The following FNTB variants were observed in gnomAD, a reference collection of about 807,000 sequenced individuals.
The protein encoded by FNTB is farnesyltransferase, CAAX box, subunit beta.
A neutral mutation model predicts 59.4 loss-of-function variants in FNTB; 27 were observed. The observed-to-expected ratio is 0.45, with a 90% CI of 0.34 to 0.63. The LOEUF is 0.63. Among genes scored for constraint, FNTB ranks in the 20% least tolerant of loss-of-function variants. The probability of loss-of-function intolerance (pLI) is 0.02; values close to 1 mark genes in which losing one functional copy is unlikely to be tolerated. For synonymous variants in FNTB, 230 were observed against 220.7 expected (o/e 1.04, Z -0.37); for missense variants, 449 against 559.6 (o/e 0.80, Z 1.99).
At position 65,011,087 on chromosome 14, in the gene FNTB, A is replaced by G. The variant is rs1051590569; in HGVS notation, c.210-1230A>G. Among the ~76,000 whole-genome samples the G allele has an allele frequency of 5.3e-5, 8 of 152,104 alleles. No individual in the cohort carries two copies. Among genetic ancestry groups the G allele is most frequent in the Non-Finnish European group, 1.2e-4 (8 of 68,030 alleles). ...ACCTACCCATTCTTTCCTTGTAGCCATTGATATACTTACCTCATTTCTGAA... is the reference window on the plus strand; with the variant it reads ...ACCTACCCATTCTTTCCTTGTAGCCGTTGATATACTTACCTCATTTCTGAA... On this transcript the variant is annotated intron_variant, in intron 2 of 11. Transcript: ENST00000246166. This position sits in a 1 kb window ranked among gnomAD's most constrained non-coding sequence, Gnocchi z 4.0.
chr14:64,991,921 T>C lies in FNTB; in HGVS notation c.144+4824T>C, dbSNP rs1888215609. Among the ~76,000 whole-genome samples the C allele has an allele frequency of 6.6e-6, 1 of 152,032 alleles. No individual in the cohort carries two copies. ...GGCGGGTGGGCCCCTATCAGGGTAT[T>C]AAGAGGCAGGTGATGTGCTGGCTTC... On this transcript the variant is annotated intron_variant, in intron 1 of 11. Coordinates refer to ENST00000246166, the MANE Select transcript of FNTB (RefSeq NM_002028.4). This position sits in a 1 kb window ranked among gnomAD's most constrained non-coding sequence, Gnocchi z 4.4.
At chr14:65,043,778 C>T (rs1052030124) in intron 8 of FNTB, among the ~76,000 whole-genome samples, 1 of 131,708 alleles carries the variant, frequency 7.6e-6, no homozygotes, top group Non-Finnish European at 1.6e-5. Context: ...GCCGAGATTG[C>T]GCCACTGCAG....
At chr14:64,998,945 C>T (rs190807161) in intron 1 of FNTB, among the ~76,000 whole-genome samples, 3 of 118,420 alleles carry the variant, frequency 2.5e-5, no homozygotes, top group African/African-American at 6.5e-5. Flanking sequence ...AACTGCTAAA[C>T]GAAATGTGAT....
chr14:65,049,002 C>T (rs2062549208), intron 9 of FNTB, among the ~76,000 whole-genome samples: 1 of 152,130 alleles, frequency 6.6e-6, no homozygotes, highest in Admixed American at 6.5e-5. Flanking sequence ...GCCACGTTGC[C>T]TGTAATCCCA....
At chr14:65,024,442 G>T (rs1252262897) in intron 4 of FNTB, among the ~76,000 whole-genome samples, 2 of 152,142 alleles carry the variant, frequency 1.3e-5, no homozygotes, top group East Asian at 3.8e-4. Flanking sequence ...AAAGGCCCAG[G>T]ATCTTTTCCA....
In FNTB at chr14:64,997,994, C is replaced by T. The variant is rs1888465243; in HGVS notation, c.145-6255C>T. Among the ~76,000 whole-genome samples, 1 of 152,192 alleles carries T rather than the reference C, an allele frequency of 6.6e-6. No homozygotes were observed. Among genetic ancestry groups the T allele is most frequent in the Admixed American group, 6.5e-5 (1 of 15,286 alleles). On this transcript the variant is annotated intron_variant, in intron 1 of 11. Transcript: ENST00000246166. This position sits in a 1 kb window ranked among gnomAD's most constrained non-coding sequence, Gnocchi z 4.5. Reference sequence around the variant, plus strand: ...ATCGTGGGAAGACATATTCTGGTCTCCTACAGTCATGTTTTGAGGTGGCAT... The same window carrying T: ...ATCGTGGGAAGACATATTCTGGTCTTCTACAGTCATGTTTTGAGGTGGCAT...
At chr14:65,020,187 AGCTGCTATGACC>A (rs2061858653) in intron 4 of FNTB, among the ~76,000 whole-genome samples, 1 of 152,238 alleles carries the variant, frequency 6.6e-6, no homozygotes, top group South Asian at 2.1e-4. Context: ...TACTTTTGTC[AGCTGCTATGACC>A]GCTGACCAAA....
chr14:65,022,819 T>C (rs2061913423), intron 4 of FNTB, among the ~76,000 whole-genome samples: 1 of 152,236 alleles, frequency 6.6e-6, no homozygotes, highest in Non-Finnish European at 1.5e-5. Flanking sequence ...TCTTCACAAC[T>C]CGTGGACCCT....
intron 1 of FNTB, among the ~76,000 whole-genome samples, chr14:65,002,227 C>T (rs1045432487): frequency 6.6e-6 from 1 of 152,228 alleles, no homozygotes; most frequent in African/African-American, 2.4e-5. Context: ...CCAGACGCTC[C>T]CTCATTACTA....
chr14:65,048,113 C>T (rs932756853), intron 9 of FNTB, among the ~76,000 whole-genome samples: 12 of 146,698 alleles, frequency 8.2e-5, no homozygotes, highest in Non-Finnish European at 1.5e-4. Flanking sequence ...TCCTGTGTAG[C>T]TGGGATTACA....
chr14:65,013,428 G>T (rs2061716005), intron 3 of FNTB, among the ~76,000 whole-genome samples: 1 of 151,972 alleles, frequency 6.6e-6, no homozygotes, highest in Non-Finnish European at 1.5e-5. Flanking sequence ...CACATCCATG[G>T]GCTAGATTTG....
chr14:64,996,946 A>G (rs912352227), intron 1 of FNTB, among the ~76,000 whole-genome samples: 1 of 151,970 alleles, frequency 6.6e-6, no homozygotes, highest in African/African-American at 2.4e-5. Context: ...CCTTTTATGC[A>G]TTCATAAACA....
chr14:65,027,906 G>C lies in FNTB; in HGVS notation c.605+125G>C. 1.6e-6 allele frequency: 2 copies of C among 1,234,666 alleles called. No individual in the cohort carries two copies. The highest frequency in any genetic ancestry group is 2.3e-6 in the Non-Finnish European group (2 of 870,932). The allele number at this position is 1,234,666 out of a possible 1,614,324, so 76.5% of individuals were successfully genotyped here. ...TTTGTCCCAGAATGACACATGGGAT[G>C]ACATGTCAGTGACACGTCAGAATCA... On this transcript the variant is annotated intron_variant, in intron 6 of 11. Transcript: ENST00000246166. This position sits in a 1 kb window ranked among gnomAD's most constrained non-coding sequence, Gnocchi z 5.7.
In FNTB at chr14:65,032,718, C is replaced by G; in HGVS notation, c.692+22C>G. ...CAAGGTGAGAGAAGCCAGGGTTTCTCCTGGCCTCTTGGAGAGCAGGCGGTC... is the reference window on the plus strand; with the variant it reads ...CAAGGTGAGAGAAGCCAGGGTTTCTGCTGGCCTCTTGGAGAGCAGGCGGTC... On this transcript the variant is annotated intron_variant, in intron 7 of 11. Coordinates refer to ENST00000246166, the MANE Select transcript of FNTB (RefSeq NM_002028.4). This position sits in a 1 kb window ranked among gnomAD's most constrained non-coding sequence, Gnocchi z 5.0. The G allele has an allele frequency of 1.2e-6, 2 of 1,610,806 alleles. No homozygotes were observed. Among genetic ancestry groups the G allele is most frequent in the Non-Finnish European group, 1.7e-6 (2 of 1,179,072 alleles).
rs201640099 is a variant in FNTB, at chr14:65,015,740, G to C, written c.374+24G>C. The C allele has an allele frequency of 5.6e-5, 90 of 1,607,178 alleles. 1 individual carries two copies. In the East Asian group the frequency reaches 2.0e-3, roughly 35 times the overall value. On this transcript the variant is annotated intron_variant, in intron 4 of 11. Coordinates refer to ENST00000246166, the MANE Select transcript of FNTB (RefSeq NM_002028.4). The stretch of plus-strand genomic sequence containing the variant: ...GAGTGAGTCTGTCTTTGGGAAATCT[G>C]GGGTGTTCTCTGAAATTGTATTTTG...
At chr14:65,045,125 A>T (rs949725961) in intron 9 of FNTB, among the ~76,000 whole-genome samples, 11 of 152,058 alleles carry the variant, frequency 7.2e-5, no homozygotes, top group African/African-American at 2.7e-4. Context: ...GTCTGGGAAC[A>T]TTCTCTCTCT....
Position 65,040,293 on chromosome 14 carries a change from AT to A in FNTB, c.693-496del, listed in dbSNP as rs1269058088. On this transcript the variant is annotated intron_variant, in intron 7 of 11. Transcript: ENST00000246166. ...TGTATATATATGTGTGTATATATAT[AT>A]ATGTATATATATGTGTATATATGTA... Among the ~76,000 whole-genome samples, 4 of 149,272 alleles carry A rather than the reference AT, an allele frequency of 2.7e-5. No homozygotes were observed. In the Admixed American group the frequency reaches 2.7e-4, roughly 10 times the overall value.
intron 9 of FNTB, among the ~76,000 whole-genome samples, chr14:65,045,402 A>AACC (rs2062453604): frequency 1.5e-5 from 1 of 64,960 alleles, no homozygotes; most frequent in Non-Finnish European, 3.2e-5. Context: ...TGAGCCCCCC[A>AACC]CCCCCCGTCT....
chr14:65,037,741 A>ATTTATTTTTTAT (rs372196330), intron 7 of FNTB, among the ~76,000 whole-genome samples: 17 of 132,718 alleles, frequency 1.3e-4, no homozygotes, highest in South Asian at 2.4e-4. Flanking sequence ...TTATTTATTT[A>ATTTATTTTTTAT]TTATTTATTT....
Sources: allele counts gnomAD v4.1 joint callset (sites outside exome capture counted in the v4.1 genomes callset), GRCh38; gene constraint gnomAD v4.1.1; non-coding constraint Gnocchi (gnomAD v3.1); transcripts MANE v1.5; gene names NCBI Gene and HGNC (gene_info 2026-07-23, HGNC 2026-07-21).